The following PARP8 variants were observed in gnomAD, a reference collection of about 807,000 sequenced individuals.
PARP8 encodes poly(ADP-ribose) polymerase family member 8.
Under a neutral mutation model 124.1 loss-of-function variants are expected in PARP8, and 51 were observed. That is an observed-to-expected ratio of 0.41 (90% CI 0.33 to 0.52). The LOEUF is 0.52. Among genes scored for constraint, PARP8 ranks in the 20% least tolerant of loss-of-function variants. The pLI is 0.21. For missense variants in PARP8, 860 were observed against 1,018.9 expected, an observed-to-expected ratio of 0.84 and a Z score of 2.12; for synonymous variants, 391 against 361.5, an observed-to-expected ratio of 1.08 and a Z score of -0.93.
chr5:50,775,974 A>G (rs1367361588), intron 7 of PARP8, among the ~76,000 whole-genome samples: 1 of 152,178 alleles, frequency 6.6e-6, no homozygotes, highest in Non-Finnish European at 1.5e-5. Context: ...TCTTGTTCCC[A>G]TATTTTAGAG....
At chr5:50,829,015 A>G (rs1746654819) in intron 21 of PARP8, among the ~76,000 whole-genome samples, 1 of 152,224 alleles carries the variant, frequency 6.6e-6, no homozygotes, top group African/African-American at 2.4e-5. Context: ...TCATACAGGC[A>G]TTCTGTTAAT....
intron 3 of PARP8, among the ~76,000 whole-genome samples, chr5:50,751,276 T>C (rs990069059): frequency 2.0e-5 from 3 of 152,146 alleles, no homozygotes; most frequent in Non-Finnish European, 4.4e-5. Flanking sequence ...TTTCACACTT[T>C]ACGGGAGCCC....
At chr5:50,732,827 C>T (rs1349834792) in intron 2 of PARP8, among the ~76,000 whole-genome samples, 1 of 151,746 alleles carries the variant, frequency 6.6e-6, no homozygotes, top group East Asian at 2.0e-4. Context: ...ACCGTGTTGG[C>T]AAGGATGGTC....
At chr5:50,815,375 A>G in intron 14 of PARP8, 57 bp from the exon 15 acceptor site, 1 of 1,240,652 alleles carries the variant, frequency 8.1e-7, no homozygotes, top group East Asian at 2.6e-5. Context: ...TGTGAATTTA[A>G]TTTTGATATT....
intron 3 of PARP8, among the ~76,000 whole-genome samples, chr5:50,751,586 G>T (rs533352338): frequency 3.8e-4 from 58 of 152,168 alleles, no homozygotes; most frequent in Middle Eastern, 3.4e-3. Flanking sequence ...TGTCCAGTGC[G>T]CAGTATACCA....
Position 50,668,309 on chromosome 5 carries a change from T to A in PARP8, c.146+184T>A, listed in dbSNP as rs577447497. The A allele has an allele frequency of 2.9e-5, 18 of 614,000 alleles. No homozygotes were observed. The East Asian group carries it at 4.2e-4, about 14-fold the overall frequency. 38.0% of individuals were successfully genotyped at this position (614,000 alleles called of 1,614,324 possible). On this transcript the variant is annotated intron_variant, in intron 2 of 25. Coordinates refer to ENST00000281631, the MANE Select transcript of PARP8 (RefSeq NM_024615.4). ...TAGCAGGAGGAGGGGAATCAATGTT[T>A]GATTCAGGTGTTTCGAGGACCACGC...
intron 2 of PARP8, among the ~76,000 whole-genome samples, chr5:50,749,082 A>G (rs1248423691): frequency 7.2e-5 from 11 of 152,152 alleles, no homozygotes; most frequent in Admixed American, 5.9e-4. Flanking sequence ...TTTTAACATT[A>G]TGGTGGGCTA....
rs547355190 is a variant in PARP8 at position 50,740,908 on chromosome 5, G to T, written c.147-9243G>T. On this transcript the variant is annotated intron_variant, in intron 2 of 25. Transcript: ENST00000281631. Reference sequence around the variant, plus strand: ...ATTTGCCTTAAATATTTAAGATGCTGAGGGTTGTATCATACTATCGAAGTT... The same window carrying T: ...ATTTGCCTTAAATATTTAAGATGCTTAGGGTTGTATCATACTATCGAAGTT... Among the ~76,000 whole-genome samples, 4 of 152,162 alleles carry T rather than the reference G, an allele frequency of 2.6e-5. No individual in the cohort carries two copies. The East Asian group carries it at 7.7e-4, about 29-fold the overall frequency.
intron 25 of PARP8, among the ~76,000 whole-genome samples, chr5:50,840,574 A>C (rs1748071226): frequency 6.6e-6 from 1 of 151,874 alleles, no homozygotes; most frequent in Non-Finnish European, 1.5e-5. Flanking sequence ...ATAGAGAGAA[A>C]AATTTAAGGA....
intron 19 of PARP8, 122 bp downstream of exon 19, chr5:50,826,925 A>G: frequency 7.3e-7 from 1 of 1,361,768 alleles, no homozygotes; most frequent in Non-Finnish European, 9.8e-7. Flanking sequence ...ACCCAGGTTA[A>G]ATATAATTCT....
At chr5:50,793,235 G>T (rs1742162127) in intron 10 of PARP8, among the ~76,000 whole-genome samples, 1 of 152,162 alleles carries the variant, frequency 6.6e-6, no homozygotes, top group Admixed American at 6.5e-5. Flanking sequence ...CAATGTGTTA[G>T]AAATAACTGA....
intron 10 of PARP8, among the ~76,000 whole-genome samples, chr5:50,792,256 T>TAATA (rs1488915218): frequency 1.3e-5 from 2 of 152,168 alleles, no homozygotes; most frequent in African/African-American, 4.8e-5. Context: ...TTCTCTATTA[T>TAATA]AAGGAGGTGG....
At chr5:50,805,965 T>G (rs1743795586) in intron 14 of PARP8, among the ~76,000 whole-genome samples, 1 of 152,068 alleles carries the variant, frequency 6.6e-6, no homozygotes, top group Admixed American at 6.6e-5. Flanking sequence ...CCCACTTAGA[T>G]GCTATGTTTT....
chr5:50,775,234 G>T (rs777330222), intron 7 of PARP8, among the ~76,000 whole-genome samples: 1 of 152,166 alleles, frequency 6.6e-6, no homozygotes, highest in Non-Finnish European at 1.5e-5. Flanking sequence ...GTAGTGAGCC[G>T]AGATCACGCC....
chr5:50,834,143 A>AATGCTTTCCCTATTCCACC, intron 24 of PARP8, 95 bp downstream of exon 24: 1 of 999,224 alleles, frequency 1.0e-6, no homozygotes, highest in Non-Finnish European at 1.5e-6. Context: ...ACGGTGGAAT[A>AATGCTTTCCCTATTCCACC]GGGAAAGCAT....
chr5:50,766,134 A>G (rs776736928), intron 7 of PARP8, among the ~76,000 whole-genome samples: 1 of 152,226 alleles, frequency 6.6e-6, no homozygotes, highest in Non-Finnish European at 1.5e-5. Context: ...AGGTGTAGAA[A>G]AAGTGAGTGA....
intron 2 of PARP8, among the ~76,000 whole-genome samples, chr5:50,705,012 A>G (rs1249135451): frequency 6.6e-6 from 1 of 152,214 alleles, no homozygotes; most frequent in Non-Finnish European, 1.5e-5. Flanking sequence ...TGTGGGACAA[A>G]TATGACATTT....
intron 16 of PARP8, 115 bp from the exon 17 acceptor site, chr5:50,822,220 A>T (rs1745837771): frequency 1.3e-6 from 1 of 764,500 alleles, no homozygotes. Flanking sequence ...TTTCTTTCAA[A>T]TTGACCCCAG....
chr5:50,691,755 C>T (rs1163768422), intron 2 of PARP8, among the ~76,000 whole-genome samples: 1 of 152,102 alleles, frequency 6.6e-6, no homozygotes, highest in East Asian at 1.9e-4. Flanking sequence ...AATCTTCAAA[C>T]TCAGCATATT....
Sources: gnomAD v4.1 joint callset for allele counts (sites outside exome capture counted in the v4.1 genomes callset) on GRCh38, gnomAD v4.1.1 for gene constraint, MANE v1.5 for transcripts, NCBI Gene and HGNC (gene_info 2026-07-23, HGNC 2026-07-21) for gene names.